VPS35L: variants seen among roughly 807,000 people sequenced by gnomAD.
The protein encoded by VPS35L is VPS35 endosomal protein-sorting factor-like.
VPS35L carries 83 observed loss-of-function variants against 133.0 expected under a neutral mutation model. The observed-to-expected ratio is 0.62, with a 90% CI of 0.52 to 0.75. VPS35L has a LOEUF of 0.75. Among genes scored for constraint, VPS35L ranks in the 30% least tolerant of loss-of-function variants. The pLI, the probability that VPS35L is intolerant of heterozygous loss-of-function variation, is 0.00. For missense variants in VPS35L, 1,083 were observed against 1,206.8 expected (o/e 0.90, Z 1.52); for synonymous variants, 423 against 449.9 (o/e 0.94, Z 0.76).
intron 20 of VPS35L, 127 bp downstream of exon 20, chr16:19,637,783 T>A: frequency 1.7e-6 from 1 of 599,708 alleles, no homozygotes; most frequent in Non-Finnish European, 2.8e-6. Context: ...ATAAAGTAGT[T>A]AAGTCTGATC....
rs1176989846 is a variant in VPS35L at position 19,699,565 on chromosome 16, C to T, written c.2710C>T (p.Leu904=). The change falls in exon 30 of 31, where the codon CTA becomes TTA. Residue 904 remains leucine, a synonymous_variant. Coordinates refer to ENST00000417362, the MANE Select transcript of VPS35L (RefSeq NM_020314.7). This position sits in a 1 kb window ranked among gnomAD's most constrained non-coding sequence, Gnocchi z 4.2. ...TAACAGCATCTTGGCCCATGGGGACCTACGCAACAACAAGCTCAACCAGCT... is the reference window on the plus strand; with the variant it reads ...TAACAGCATCTTGGCCCATGGGGACTTACGCAACAACAAGCTCAACCAGCT... The part of the protein sequence containing the change: ...FFNSILAHGD[L]RNNKLNQLSV... The T allele has an allele frequency of 2.5e-6, 4 of 1,614,168 alleles. No individual in the cohort carries two copies. The highest frequency in any genetic ancestry group is 3.4e-6 in the Non-Finnish European group (4 of 1,180,036).
rs1403519247 is a variant in VPS35L at position 19,622,919 on chromosome 16, C to G, written c.1225-3258C>G. 7.2e-5 allele frequency among the ~76,000 whole-genome samples: 11 copies of G among 152,174 alleles called. No individual in the cohort carries two copies. The South Asian group carries it at 1.0e-3, about 14-fold the overall frequency. Reference sequence around the variant, plus strand: ...ATATAATTCCATGTGTCCTCCTCCACAACAAGTGGAGGCTCTCGGGTGATC... The same window carrying G: ...ATATAATTCCATGTGTCCTCCTCCAGAACAAGTGGAGGCTCTCGGGTGATC... On this transcript the variant is annotated intron_variant, in intron 14 of 30. Transcript: ENST00000417362.
intron 28 of VPS35L, among the ~76,000 whole-genome samples, chr16:19,688,479 G>A (rs548791204): frequency 2.0e-5 from 3 of 152,288 alleles, no homozygotes; most frequent in South Asian, 2.1e-4. Context: ...TTGTGGCCGC[G>A]TGTACACAAC....
intron 27 of VPS35L, among the ~76,000 whole-genome samples, chr16:19,677,472 T>G (rs1975103520): frequency 6.6e-6 from 1 of 152,068 alleles, no homozygotes; most frequent in African/African-American, 2.4e-5. Context: ...CCGAAGAAAG[T>G]GCCATTTGAG....
intron 29 of VPS35L, among the ~76,000 whole-genome samples, chr16:19,695,502 C>A (rs1975874491): frequency 6.6e-6 from 1 of 152,130 alleles, no homozygotes; most frequent in Non-Finnish European, 1.5e-5. Flanking sequence ...AAATGTCTGT[C>A]CATATGTGCA....
chr16:19,647,734 C>T (rs1191777745), intron 23 of VPS35L, 50 bp from the exon 24 acceptor site: 3 of 1,433,036 alleles, frequency 2.1e-6, no homozygotes, highest in Admixed American at 3.4e-5. Flanking sequence ...TGCCTGCGTT[C>T]TCTCTAAAAA....
At chr16:19,631,548 C>T (rs1357230651) in intron 18 of VPS35L, among the ~76,000 whole-genome samples, 1 of 152,082 alleles carries the variant, frequency 6.6e-6, no homozygotes, top group East Asian at 1.9e-4. Flanking sequence ...ATATGCACTC[C>T]CTTGTACCCA....
chr16:19,684,381 G>T (rs1567486289), intron 28 of VPS35L, among the ~76,000 whole-genome samples: 2 of 152,160 alleles, frequency 1.3e-5, no homozygotes, highest in African/African-American at 2.4e-5. Context: ...CTCTACACTT[G>T]CAAGTTGCAG....
intron 24 of VPS35L, among the ~76,000 whole-genome samples, chr16:19,648,160 T>C (rs1974011436): frequency 6.6e-6 from 1 of 152,024 alleles, no homozygotes; most frequent in Non-Finnish European, 1.5e-5. Context: ...AGAGATGGGG[T>C]CTCTGTGTTG....
At chr16:19,635,695 A>C (rs1436051991) in intron 19 of VPS35L, among the ~76,000 whole-genome samples, 1 of 152,198 alleles carries the variant, frequency 6.6e-6, no homozygotes, top group Non-Finnish European at 1.5e-5. Context: ...TAAAAAATGA[A>C]GTGTTAAGGG....
At chr16:19,556,336 C>G (rs1218059652) in intron 1 of VPS35L, among the ~76,000 whole-genome samples, 2 of 141,314 alleles carry the variant, frequency 1.4e-5, no homozygotes, top group Non-Finnish European at 3.0e-5. Flanking sequence ...TTATCCCCAC[C>G]AGGGGGCTAG....
Position 19,556,993 on chromosome 16 carries a change from G to C in VPS35L, c.17+1247G>C, listed in dbSNP as rs1028686325. Among the ~76,000 whole-genome samples, 4 of 152,028 alleles carry C rather than the reference G, an allele frequency of 2.6e-5. No homozygotes were observed. In the East Asian group the frequency reaches 7.7e-4, roughly 29 times the overall value. ...TACAAAAATTAGCTGGGCTAAATTA[G>C]TGGTGGCACGCACCTGTAATCCCAG... On this transcript the variant is annotated intron_variant, in intron 1 of 30. Transcript: ENST00000417362.
chr16:19,596,588 A>G (rs1350302822), intron 8 of VPS35L, among the ~76,000 whole-genome samples: 2 of 151,988 alleles, frequency 1.3e-5, no homozygotes, highest in Admixed American at 6.6e-5. Flanking sequence ...ATGCATGTAC[A>G]TTTAACCCAA....
intron 10 of VPS35L, 158 bp downstream of exon 10, chr16:19,608,432 T>C (rs1384836789): frequency 3.2e-6 from 2 of 617,368 alleles, no homozygotes; most frequent in South Asian, 2.0e-5. Flanking sequence ...GCAAGCCACA[T>C]TGTAGAAACC....
At chr16:19,645,642 G>C (rs1018052640) in intron 23 of VPS35L, among the ~76,000 whole-genome samples, 9 of 152,088 alleles carry the variant, frequency 5.9e-5, no homozygotes, top group African/African-American at 1.9e-4. Context: ...GCTCAGCTGG[G>C]CTTGCCCCAC....
intron 23 of VPS35L, among the ~76,000 whole-genome samples, chr16:19,645,633 C>T (rs1248071191): frequency 6.6e-6 from 1 of 152,176 alleles, no homozygotes; most frequent in Non-Finnish European, 1.5e-5. Flanking sequence ...TGGCCTCCGG[C>T]TCAGCTGGGC....
chr16:19,641,553 G>A (rs1973789413), intron 21 of VPS35L, among the ~76,000 whole-genome samples: 1 of 152,108 alleles, frequency 6.6e-6, no homozygotes, highest in Admixed American at 6.5e-5. Context: ...TTGCTCAAAT[G>A]TTTTAAGCTT....
At chr16:19,560,447 A>G (rs145650737) in intron 1 of VPS35L, among the ~76,000 whole-genome samples, 19 of 152,338 alleles carry the variant, frequency 1.2e-4, no homozygotes, top group Non-Finnish European at 2.4e-4. Context: ...TCAATTTTCT[A>G]TTTTGTTAAA....
intron 14 of VPS35L, among the ~76,000 whole-genome samples, chr16:19,623,735 TTTTC>T (rs971123039): frequency 1.4e-5 from 2 of 148,042 alleles, no homozygotes; most frequent in African/African-American, 4.9e-5. Context: ...GATCCCTTTT[TTTTC>T]TTTATTTTTT....
Sources: gnomAD v4.1 joint callset for allele counts (sites outside exome capture counted in the v4.1 genomes callset) on GRCh38, gnomAD v4.1.1 for gene constraint, Gnocchi (gnomAD v3.1) non-coding constraint, MANE v1.5 for transcripts, NCBI Gene and HGNC (gene_info 2026-07-23, HGNC 2026-07-21) for gene names.